Variants in PRKG1 observed in about 807,000 individuals in gnomAD.
PRKG1 encodes the protein cGMP-dependent protein kinase 1.
In PRKG1, 35 loss-of-function variants were observed where a neutral mutation model predicts 88.1. The observed-to-expected ratio is 0.40, with a 90% CI of 0.30 to 0.53. The LOEUF (loss-of-function observed/expected upper bound fraction) is 0.53. PRKG1 is among the 20% of genes least tolerant of loss of function. The probability of loss-of-function intolerance (pLI) is 0.59; values close to 1 mark genes in which losing one functional copy is unlikely to be tolerated. For missense variants in PRKG1, 540 were observed against 839.8 expected (o/e 0.64, Z 4.41); for synonymous variants, 303 against 292.5 (o/e 1.04, Z -0.37).
At chr10:51,691,055 G>A (rs1841128884) in intron 3 of PRKG1, among the ~76,000 whole-genome samples, 1 of 145,334 alleles carries the variant, frequency 6.9e-6, no homozygotes, top group Non-Finnish European at 1.5e-5. Flanking sequence ...ATAAATATAT[G>A]TTTTCATTGA....
At chr10:51,618,732 A>T (rs1187882302) in intron 3 of PRKG1, among the ~76,000 whole-genome samples, 1 of 151,906 alleles carries the variant, frequency 6.6e-6, no homozygotes, top group Admixed American at 6.6e-5. Context: ...TTACATTTCA[A>T]ATCACTTAGG....
At chr10:51,421,448 G>A (rs1377897351) in intron 2 of PRKG1, among the ~76,000 whole-genome samples, 2 of 152,112 alleles carry the variant, frequency 1.3e-5, no homozygotes, top group African/African-American at 4.8e-5. Flanking sequence ...TAGAGTGCTG[G>A]GATTACAAGA....
At chr10:51,020,857 C>T (rs75886507) in intron 1 of PRKG1, among the ~76,000 whole-genome samples, 2,738 of 152,122 alleles carry the variant, frequency 0.018, 48 homozygotes, top group South Asian at 0.041. Flanking sequence ...ATTGATTTAT[C>T]CATTGAATTT....
intron 4 of PRKG1, among the ~76,000 whole-genome samples, chr10:51,811,829 T>G (rs1429003613): frequency 6.6e-6 from 1 of 152,192 alleles, no homozygotes; most frequent in Non-Finnish European, 1.5e-5. Flanking sequence ...ATATCCATTT[T>G]TAGTGATAGA....
intron 5 of PRKG1, among the ~76,000 whole-genome samples, chr10:52,026,791 A>G (rs1845350654): frequency 6.6e-6 from 1 of 152,144 alleles, no homozygotes. Context: ...CCTGGCTAAC[A>G]CGGGGAAACC....
At chr10:51,809,286 T>C (rs974381371) in intron 4 of PRKG1, among the ~76,000 whole-genome samples, 1 of 132,298 alleles carries the variant, frequency 7.6e-6, no homozygotes, top group Non-Finnish European at 1.5e-5. Flanking sequence ...ATCCAGATCA[T>C]AGAAAAAAAA....
Position 51,438,659 on chromosome 10 carries a change from C to T in PRKG1, c.479-29064C>T, listed in dbSNP as rs140713913. On this transcript the variant is annotated intron_variant, in intron 2 of 17. Coordinates refer to ENST00000373980, the MANE Select transcript of PRKG1 (RefSeq NM_006258.4). Reference sequence around the variant, plus strand: ...ACATACTATCAATGATGATTTATCACTGGTGATACTGACTTTGATCACCTG... The same window carrying T: ...ACATACTATCAATGATGATTTATCATTGGTGATACTGACTTTGATCACCTG... Among the ~76,000 whole-genome samples, 505 of 152,052 alleles carry T rather than the reference C, an allele frequency of 3.3e-3. 1 individual carries two copies. Among genetic ancestry groups the T allele is most frequent in the Non-Finnish European group, 5.3e-3 (363 of 67,892 alleles).
At chr10:51,618,922 C>T (rs1839135374) in intron 3 of PRKG1, among the ~76,000 whole-genome samples, 1 of 147,406 alleles carries the variant, frequency 6.8e-6, no homozygotes, top group Admixed American at 7.1e-5. Flanking sequence ...GTGTAAGCCA[C>T]CACACCCAGC....
chr10:51,265,281 C>T (rs1166438857), intron 2 of PRKG1, among the ~76,000 whole-genome samples: 2 of 151,944 alleles, frequency 1.3e-5, no homozygotes, highest in East Asian at 3.8e-4. Flanking sequence ...ATAGAGACAA[C>T]ATAACATACA....
intron 1 of PRKG1, among the ~76,000 whole-genome samples, chr10:51,126,288 T>C (rs1265738934): frequency 8.5e-6 from 1 of 117,212 alleles, no homozygotes; most frequent in Non-Finnish European, 1.6e-5. Context: ...TATATATTTA[T>C]ATATAAATAT....
At chr10:51,991,732 A>C (rs1844313473) in intron 5 of PRKG1, among the ~76,000 whole-genome samples, 1 of 152,220 alleles carries the variant, frequency 6.6e-6, no homozygotes, top group South Asian at 2.1e-4. Flanking sequence ...ATGGCTGCAT[A>C]GTATTCCATG....
intron 2 of PRKG1, among the ~76,000 whole-genome samples, chr10:51,198,770 G>A (rs1413054266): frequency 6.6e-6 from 1 of 152,154 alleles, no homozygotes; most frequent in Non-Finnish European, 1.5e-5. Flanking sequence ...AAGTTAGTTA[G>A]ACCTGAGTTT....
intron 2 of PRKG1, among the ~76,000 whole-genome samples, chr10:51,192,651 T>C (rs963307333): frequency 6.6e-6 from 1 of 151,970 alleles, no homozygotes; most frequent in East Asian, 1.9e-4. Flanking sequence ...TTTTACCCAG[T>C]AAAGAGATTT....
At chr10:51,699,241 G>A in intron 3 of PRKG1, 1 of 1,614,028 alleles carries the variant, frequency 6.2e-7, no homozygotes, top group Non-Finnish European at 8.5e-7. Flanking sequence ...CAGGCCCAAG[G>A]CTCTTTAACT....
intron 3 of PRKG1, among the ~76,000 whole-genome samples, chr10:51,673,596 G>T (rs1840636960): frequency 6.6e-6 from 1 of 152,140 alleles, no homozygotes; most frequent in Admixed American, 6.5e-5. Context: ...ATGACTTACA[G>T]TTCTCTGGAC....
chr10:51,627,992 C>CTTTCTTTCTTTCTTTCTT (rs1166434553), intron 3 of PRKG1, among the ~76,000 whole-genome samples: 3 of 29,682 alleles, frequency 1.0e-4, no homozygotes, highest in Admixed American at 4.1e-4. Context: ...TTCTTTCTTT[C>CTTTCTTTCTTTCTTTCTT]TCTCTCTCTC....
chr10:52,075,365 G>C (rs1226744180), intron 7 of PRKG1, among the ~76,000 whole-genome samples: 1 of 152,094 alleles, frequency 6.6e-6, no homozygotes, highest in East Asian at 1.9e-4. Context: ...ATGTTACTAA[G>C]ATTTTTTTGG....
chr10:51,883,939 CTT>C (rs1263572726), intron 4 of PRKG1, among the ~76,000 whole-genome samples: 2 of 146,188 alleles, frequency 1.4e-5, no homozygotes, highest in Non-Finnish European at 3.0e-5. Flanking sequence ...TATTAGGAAA[CTT>C]TTCAGATGAA....
Position 51,993,682 on chromosome 10 carries a change from G to A in PRKG1, c.763-60802G>A, listed in dbSNP as rs12265278. Among the ~76,000 whole-genome samples, 1,293 of 152,260 alleles carry A rather than the reference G, an allele frequency of 8.5e-3. 13 individuals carry two copies. Among genetic ancestry groups the A allele is most frequent in the African/African-American group, 0.028 (1,164 of 41,556 alleles). ...AACAGCAGAGCTCTTTCTGTTCCTC[G>A]ATCTACAAACCTTTTCACTATAGAG... is the stretch of plus-strand genomic sequence containing the variant. On this transcript the variant is annotated intron_variant, in intron 5 of 17. Coordinates refer to ENST00000373980, the MANE Select transcript of PRKG1 (RefSeq NM_006258.4).
Sources: gnomAD v4.1 joint callset for allele counts (sites outside exome capture counted in the v4.1 genomes callset) on GRCh38, gnomAD v4.1.1 for gene constraint, MANE v1.5 for transcripts, NCBI Gene and HGNC (gene_info 2026-07-23, HGNC 2026-07-21) for gene names.